Variants in ST8SIA4 observed in about 807,000 individuals in gnomAD.
The protein encoded by ST8SIA4 is CMP-N-acetylneuraminate-poly-alpha-2,8-sialyltransferase.
In ST8SIA4, 15 loss-of-function variants were observed where a neutral mutation model predicts 33.9. The observed-to-expected ratio is 0.44, with a 90% CI of 0.30 to 0.68. The LOEUF (loss-of-function observed/expected upper bound fraction) is 0.68. Among genes scored for constraint, ST8SIA4 ranks in the 30% least tolerant of loss-of-function variants. ST8SIA4 has a pLI of 0.10. For missense variants in ST8SIA4, 321 were observed against 428.0 expected (o/e 0.75, Z 2.21); for synonymous variants, 171 against 151.2 (o/e 1.13, Z -0.96).
chr5:100,887,875 C>G (rs576984519), intron 2 of ST8SIA4, among the ~76,000 whole-genome samples: 1 of 152,020 alleles, frequency 6.6e-6, no homozygotes, highest in Non-Finnish European at 1.5e-5. Flanking sequence ...GAATACATAT[C>G]TGGCAGTGCC....
chr5:100,855,461 T>C (rs1160461555), intron 4 of ST8SIA4, among the ~76,000 whole-genome samples: 2 of 152,244 alleles, frequency 1.3e-5, no homozygotes, highest in Non-Finnish European at 2.9e-5. Context: ...ACATAATTTC[T>C]CATCTGTGGT....
Position 100,856,307 on chromosome 5 carries a change from G to A in ST8SIA4, c.593C>T (p.Ala198Val). 6.2e-7 allele frequency: 1 copy of A among 1,613,982 alleles called. No homozygotes were observed. The highest frequency in any genetic ancestry group is 8.5e-7 in the Non-Finnish European group (1 of 1,179,970). The stretch of plus-strand genomic sequence containing the variant: ...ACTCTCATTTCGAAAGCCTCCAAAT[G>A]CTCTTTGTACAACTGATGGATTCAT... Reference protein sequence around the residue: ...ITMNPSVVQRAFGGFRNESDR... With the variant: ...ITMNPSVVQRVFGGFRNESDR... Residue 198 changes from alanine (A) to valine (V), a missense_variant, in exon 4 of 5, where the codon GCA becomes GTA. Transcript: ENST00000231461.
At chr5:100,860,602 T>TA (rs1319535505) in intron 3 of ST8SIA4, among the ~76,000 whole-genome samples, 3 of 152,160 alleles carry the variant, frequency 2.0e-5, no homozygotes, top group Non-Finnish European at 4.4e-5. Flanking sequence ...TGCTTTGAGG[T>TA]AAAAAGTAGT....
rs1054205426 is a variant in ST8SIA4, at chr5:100,885,977, T to G, written c.503+366A>C. Reference sequence around the variant, plus strand: ...TCTATTACATCATTCCATAGTAATATTCATAATCTTTATACAACAAATAAA... The same window carrying G: ...TCTATTACATCATTCCATAGTAATAGTCATAATCTTTATACAACAAATAAA... On this transcript the variant is annotated intron_variant, in intron 3 of 4. Coordinates refer to ENST00000231461, the MANE Select transcript of ST8SIA4 (RefSeq NM_005668.6). 5.8e-6 allele frequency: 5 copies of G among 868,292 alleles called. No homozygotes were observed. In the African/African-American group the frequency reaches 9.1e-5, roughly 16 times the overall value. 53.8% of individuals were successfully genotyped at this position (868,292 alleles called of 1,614,324 possible).
rs547021032 is a variant in ST8SIA4 at position 100,825,344 on chromosome 5, T to C, written c.798-13215A>G. On this transcript the variant is annotated intron_variant, in intron 4 of 4. Transcript: ENST00000231461. ...GAGGATGGTCTATGATTCTACTGAATTATATTTTATATATTAACATTAAAC... is the reference window on the plus strand; with the variant it reads ...GAGGATGGTCTATGATTCTACTGAACTATATTTTATATATTAACATTAAAC... Among the ~76,000 whole-genome samples the C allele has an allele frequency of 1.3e-4, 20 of 152,316 alleles. No individual in the cohort carries two copies. In the South Asian group the frequency reaches 4.1e-3, roughly 32 times the overall value.
At chr5:100,812,180 G>T in intron 4 of ST8SIA4, 51 bp from the exon 5 acceptor site, 1 of 1,511,014 alleles carries the variant, frequency 6.6e-7, no homozygotes, top group African/African-American at 1.4e-5. Flanking sequence ...GACACACATA[G>T]AGCATATCCT....
chr5:100,890,881 T>C (rs950274312), intron 2 of ST8SIA4: 6 of 151,874 alleles, frequency 4.0e-5, no homozygotes, highest in African/African-American at 1.2e-4. Flanking sequence ...AACTGAAAGG[T>C]TGGTTTGGAC....
intron 3 of ST8SIA4, among the ~76,000 whole-genome samples, chr5:100,885,009 G>A (rs1283174514): frequency 1.4e-5 from 2 of 145,870 alleles, no homozygotes; most frequent in Non-Finnish European, 1.6e-5. Context: ...CCTTGACATC[G>A]TTACTTCTTT....
At chr5:100,897,567 A>G (rs1254923737) in intron 1 of ST8SIA4, among the ~76,000 whole-genome samples, 1 of 152,170 alleles carries the variant, frequency 6.6e-6, no homozygotes. Context: ...TTTTTAATGC[A>G]GGCAATCCTC....
intron 4 of ST8SIA4, among the ~76,000 whole-genome samples, chr5:100,847,380 A>G (rs958238771): frequency 5.9e-5 from 9 of 152,190 alleles, no homozygotes; most frequent in Admixed American, 2.6e-4. Flanking sequence ...ATTTTAGCCT[A>G]TAGTTTTGCT....
At chr5:100,876,765 A>G (rs72778630) in intron 3 of ST8SIA4, among the ~76,000 whole-genome samples, 1 of 152,166 alleles carries the variant, frequency 6.6e-6, no homozygotes, top group Non-Finnish European at 1.5e-5. Context: ...ATTTAGGGAT[A>G]TATGTACATG....
chr5:100,825,252 G>T (rs1716650561), intron 4 of ST8SIA4, among the ~76,000 whole-genome samples: 1 of 151,956 alleles, frequency 6.6e-6, no homozygotes, highest in Non-Finnish European at 1.5e-5. Flanking sequence ...ATAGACATGA[G>T]ATTTCATGTG....
chr5:100,823,374 G>A (rs1380669020), intron 4 of ST8SIA4, among the ~76,000 whole-genome samples: 1 of 152,120 alleles, frequency 6.6e-6, no homozygotes, highest in Non-Finnish European at 1.5e-5. Flanking sequence ...GCAGCCCTTG[G>A]GGCTGCTCTG....
chr5:100,807,553 G>A lies in ST8SIA4; in HGVS notation c.*4294C>T, dbSNP rs1236414798. On this transcript the variant is annotated 3_prime_UTR_variant, in exon 5 of 5. Transcript: ENST00000231461. ...TGTAATTCGAATACATTGCTAGCTT[G>A]AAGCCTTTACTTTTCTTCTTTATTA... The A allele has an allele frequency of 5.2e-5, 8 of 152,518 alleles. No individual in the cohort carries two copies. The East Asian group carries it at 1.5e-3, about 29-fold the overall frequency. 9.4% of individuals were successfully genotyped at this position (152,518 alleles called of 1,614,324 possible).
At chr5:100,829,952 C>T (rs2112413409) in intron 4 of ST8SIA4, among the ~76,000 whole-genome samples, 1 of 151,052 alleles carries the variant, frequency 6.6e-6, no homozygotes, top group South Asian at 2.1e-4. Context: ...TATCTAGCAA[C>T]ATATTCTTCT....
intron 1 of ST8SIA4, among the ~76,000 whole-genome samples, chr5:100,898,876 C>T (rs559404901): frequency 3.3e-5 from 5 of 152,162 alleles, no homozygotes; most frequent in South Asian, 2.1e-4. Flanking sequence ...AGGAAAATAG[C>T]GAAACACATC....
At chr5:100,820,360 T>A (rs1029872877) in intron 4 of ST8SIA4, among the ~76,000 whole-genome samples, 2 of 152,150 alleles carry the variant, frequency 1.3e-5, no homozygotes, top group Non-Finnish European at 2.9e-5. Context: ...TCATCCCTAC[T>A]GAAAAACTTA....
chr5:100,819,010 A>G (rs2112401567), intron 4 of ST8SIA4, among the ~76,000 whole-genome samples: 1 of 152,282 alleles, frequency 6.6e-6, no homozygotes. Flanking sequence ...GATTTTGCCA[A>G]CTGTCTCATA....
intron 1 of ST8SIA4, 37 bp from the exon 2 acceptor site, chr5:100,895,822 A>G (rs183542889): frequency 2.6e-4 from 421 of 1,609,170 alleles, no homozygotes; most frequent in Non-Finnish European, 3.3e-4. Context: ...TGTGAAAGTA[A>G]GAAACATTTT....
Sources: gnomAD v4.1 joint callset for allele counts (sites outside exome capture counted in the v4.1 genomes callset) on GRCh38, gnomAD v4.1.1 for gene constraint, MANE v1.5 for transcripts, NCBI Gene and HGNC (gene_info 2026-07-23, HGNC 2026-07-21) for gene names.